Variants in KRT8 observed in about 807,000 individuals in gnomAD.
KRT8 encodes keratin 8.
KRT8 carries 24 observed loss-of-function variants against 43.0 expected under a neutral mutation model. The observed-to-expected ratio is 0.56, with a 90% CI of 0.40 to 0.78. KRT8 has a LOEUF of 0.78. Among genes scored for constraint, KRT8 ranks in the 30% least tolerant of loss-of-function variants. KRT8 has a pLI of 0.00. For missense variants in KRT8, 492 were observed against 638.4 expected (o/e 0.77, Z 2.47); for synonymous variants, 214 against 261.2 (o/e 0.82, Z 1.74).
At chr12:52,918,218 A>AAGAAGAAGAAGAAGG (rs1941811013) in intron 2 of KRT8, among the ~76,000 whole-genome samples, 3 of 134,834 alleles carry the variant, frequency 2.2e-5, no homozygotes, top group Non-Finnish European at 3.4e-5. Context: ...GAAGAAGAAG[A>AAGAAGAAGAAGAAGG]AGAAGAAGAA....
At chr12:52,941,383 G>C (rs1819984377) in intron 2 of KRT8, among the ~76,000 whole-genome samples, 1 of 151,944 alleles carries the variant, frequency 6.6e-6, no homozygotes, top group African/African-American at 2.4e-5. Context: ...TCAGAGGAGG[G>C]GATTCTGGTG....
intron 2 of KRT8, among the ~76,000 whole-genome samples, chr12:52,932,684 C>T (rs1002464069): frequency 6.6e-6 from 1 of 152,028 alleles, no homozygotes; most frequent in Non-Finnish European, 1.5e-5. Flanking sequence ...CACACCTGTA[C>T]TCCCAGCTAC....
intron 2 of KRT8, among the ~76,000 whole-genome samples, chr12:52,922,502 G>A (rs956752275): frequency 3.9e-5 from 6 of 152,080 alleles, no homozygotes; most frequent in African/African-American, 9.7e-5. Flanking sequence ...GCGAAACCCC[G>A]TCTCTACTGA....
At chr12:52,904,518 G>A (rs1250611238) in intron 1 of KRT8, 140 bp downstream of exon 1, 2 of 817,482 alleles carry the variant, frequency 2.4e-6, no homozygotes, top group Middle Eastern at 3.7e-4. Flanking sequence ...GGGGTGAGTC[G>A]GAGGATGGAA....
chr12:52,949,103 G>C (rs1592192349), intron 2 of KRT8: 2 of 1,339,814 alleles, frequency 1.5e-6, no homozygotes, highest in Non-Finnish European at 2.0e-6. Flanking sequence ...AACTCGGGTC[G>C]CGCGGCTCGC....
intron 2 of KRT8, among the ~76,000 whole-genome samples, chr12:52,920,223 T>C (rs1941854619): frequency 6.6e-6 from 1 of 152,226 alleles, no homozygotes; most frequent in South Asian, 2.1e-4. Context: ...AGAGCTATAT[T>C]ACATTTATTT....
chr12:52,910,516 CACAGAGACAGAG>C (rs1304900939), upstream of KRT8, among the ~76,000 whole-genome samples: 3 of 152,188 alleles, frequency 2.0e-5, no homozygotes, highest in African/African-American at 7.2e-5. Context: ...TGGCCAGGGC[CACAGAGACAGAG>C]ACAGAGACTG....
intron 2 of KRT8, among the ~76,000 whole-genome samples, chr12:52,936,269 AT>A (rs1331355502): frequency 6.6e-6 from 1 of 152,054 alleles, no homozygotes; most frequent in Non-Finnish European, 1.5e-5. Flanking sequence ...CAAAAAAAAA[AT>A]TCTAAATAAA....
At chr12:52,940,750 T>A (rs910448099) in intron 2 of KRT8, among the ~76,000 whole-genome samples, 1 of 149,108 alleles carries the variant, frequency 6.7e-6, no homozygotes, top group East Asian at 2.1e-4. Context: ...CTCAGCCTCC[T>A]GAGTAGCTGG....
intron 2 of KRT8, chr12:52,926,336 T>TCCCCCCCCCCC: frequency 1.3e-5 from 5 of 385,522 alleles, no homozygotes; most frequent in South Asian, 2.2e-5. Flanking sequence ...CTAGCTGCCC[T>TCCCCCCCCCCC]CCCCACCCCA....
intron 2 of KRT8, among the ~76,000 whole-genome samples, chr12:52,929,190 T>C (rs761236359): frequency 3.5e-3 from 10 of 2,854 alleles, no homozygotes; most frequent in Admixed American, 0.032. Flanking sequence ...CTTCCTTTCT[T>C]TTTTTTTTTT....
At chr12:52,905,064 A>C (rs964462236) in exon 1 of KRT8, 37 of 1,519,356 alleles carry the variant, frequency 2.4e-5, no homozygotes, top group Non-Finnish European at 2.8e-5. Flanking sequence ...TGGTGAGGAG[A>C]GCTCTCAGGA....
chr12:52,901,657 T>A (rs1187987878), intron 2 of KRT8: 1 of 606,634 alleles, frequency 1.6e-6, no homozygotes. Flanking sequence ...ACAGTTGAGA[T>A]TGAAAGGGGG....
chr12:52,934,830 A>G (rs2682335), intron 2 of KRT8, among the ~76,000 whole-genome samples: 19,620 of 151,864 alleles, frequency 0.13, 1,521 homozygotes, highest in East Asian at 0.27. Flanking sequence ...TTAGCTGGGC[A>G]TGGTGGCGTA....
chr12:52,925,241 G>A (rs951893292), intron 2 of KRT8, among the ~76,000 whole-genome samples: 1 of 152,164 alleles, frequency 6.6e-6, no homozygotes, highest in African/African-American at 2.4e-5. Context: ...GCTGGAGGAG[G>A]TGTGTATGCA....
At chr12:52,911,921 C>T (rs548744086), upstream of KRT8, among the ~76,000 whole-genome samples, 2 of 152,106 alleles carry the variant, frequency 1.3e-5, no homozygotes, top group African/African-American at 4.8e-5. Context: ...CTCAGCTACT[C>T]GGGAGGCTGA....
At chr12:52,948,979 T>TGGGGCCCGGGGCGGA (rs1942403362) in intron 2 of KRT8, 3 of 402,284 alleles carry the variant, frequency 7.5e-6, no homozygotes, top group African/African-American at 6.9e-5. Context: ...GGCGCGGGGG[T>TGGGGCCCGGGGCGGA]GGGGCCCGGG....
intron 1 of KRT8, chr12:52,949,695 C>T (rs1217056095): frequency 2.9e-6 from 3 of 1,045,072 alleles, no homozygotes; most frequent in Admixed American, 1.9e-5. Context: ...CCTACTCCAC[C>T]GGGAGGGGGT....
chr12:52,923,913 C>G (rs1224885396), intron 2 of KRT8, among the ~76,000 whole-genome samples: 2 of 151,166 alleles, frequency 1.3e-5, no homozygotes, highest in East Asian at 4.0e-4. Context: ...GGCATGATCA[C>G]TGCTCGCTGC....
Sources: gnomAD v4.1 joint callset for allele counts (sites outside exome capture counted in the v4.1 genomes callset) on GRCh38, gnomAD v4.1.1 for gene constraint, MANE v1.5 for transcripts, NCBI Gene and HGNC (gene_info 2026-07-23, HGNC 2026-07-21) for gene names.